PCSK6: variants seen among roughly 807,000 people sequenced by gnomAD.
PCSK6 encodes the protein proprotein convertase subtilisin/kexin type 6.
In PCSK6, 85 loss-of-function variants were observed where a neutral mutation model predicts 123.3. The ratio of observed to expected loss-of-function variants is 0.69; its 90% CI spans 0.58 to 0.83. PCSK6 has a LOEUF of 0.83. Among genes scored for constraint, PCSK6 ranks in the 40% least tolerant of loss-of-function variants. The pLI is 0.00. For synonymous variants in PCSK6, 508 were observed against 516.0 expected (o/e 0.98, Z 0.21); for missense variants, 1,191 against 1,282.3 (o/e 0.93, Z 1.09).
intron 6 of PCSK6, 88 bp downstream of exon 6, chr15:101,427,804 A>G: frequency 9.5e-7 from 1 of 1,054,690 alleles, no homozygotes; most frequent in Non-Finnish European, 1.4e-6. Flanking sequence ...GCCAAAAAAC[A>G]GGAGGCTGCT....
intron 6 of PCSK6, among the ~76,000 whole-genome samples, chr15:101,411,069 A>C (rs1407321736): frequency 6.6e-6 from 1 of 152,112 alleles, no homozygotes; most frequent in Non-Finnish European, 1.5e-5. Context: ...GAACGAACAA[A>C]TCTGAACCAG....
intron 15 of PCSK6, among the ~76,000 whole-genome samples, chr15:101,327,370 C>A (rs546138512): frequency 3.3e-5 from 5 of 152,334 alleles, no homozygotes; most frequent in African/African-American, 1.2e-4. Flanking sequence ...GGGGGCGGGG[C>A]ACGCTGCAGG....
At chr15:101,474,921 C>G (rs2057693742) in intron 1 of PCSK6, among the ~76,000 whole-genome samples, 1 of 152,220 alleles carries the variant, frequency 6.6e-6, no homozygotes, top group Admixed American at 6.5e-5. Flanking sequence ...AGACTCTTTT[C>G]CAGTGGGTCA....
intron 20 of PCSK6, 164 bp downstream of exon 20, chr15:101,313,212 A>T (rs950533583): frequency 6.5e-7 from 1 of 1,535,412 alleles, no homozygotes; most frequent in Non-Finnish European, 8.8e-7. Flanking sequence ...CAGTGAACAA[A>T]GGGACGAAGG....
intron 6 of PCSK6, among the ~76,000 whole-genome samples, chr15:101,401,724 G>T (rs2042593984): frequency 6.6e-6 from 1 of 152,184 alleles, no homozygotes; most frequent in Non-Finnish European, 1.5e-5. Flanking sequence ...CGTGTAAAGG[G>T]TCTGGCACAC....
At chr15:101,340,661 G>A (rs1281868802) in intron 13 of PCSK6, among the ~76,000 whole-genome samples, 1 of 152,092 alleles carries the variant, frequency 6.6e-6, no homozygotes, top group Non-Finnish European at 1.5e-5. Flanking sequence ...CATATGCTAT[G>A]TCCTGGTTTC....
intron 1 of PCSK6, among the ~76,000 whole-genome samples, chr15:101,469,440 G>A (rs915550144): frequency 3.9e-5 from 6 of 152,222 alleles, no homozygotes; most frequent in African/African-American, 1.4e-4. Context: ...CTGGCTCCAA[G>A]ATGCCGACAT....
rs2040965644 is a variant in PCSK6 at position 101,353,859 on chromosome 15, C to T, written c.1858+12337G>A. On this transcript the variant is annotated intron_variant, in intron 13 of 21. Transcript: ENST00000611716. The stretch of plus-strand genomic sequence containing the variant: ...GCTCTGCCCCTTCCAGGCAGGTGAG[C>T]TCAGTCAGGCTCTGGGTGGAGGAGC... Among the ~76,000 whole-genome samples, 3 of 152,224 alleles carry T rather than the reference C, an allele frequency of 2.0e-5. No homozygotes were observed. In the South Asian group the frequency reaches 6.2e-4, roughly 31 times the overall value.
chr15:101,405,013 A>T (rs1005954197), intron 6 of PCSK6, among the ~76,000 whole-genome samples: 1 of 152,204 alleles, frequency 6.6e-6, no homozygotes, highest in African/African-American at 2.4e-5. Context: ...TCTTGGAAAA[A>T]GACTGACTGA....
At chr15:101,481,199 C>T (rs1204718612) in intron 1 of PCSK6, among the ~76,000 whole-genome samples, 1 of 152,178 alleles carries the variant, frequency 6.6e-6, no homozygotes, top group African/African-American at 2.4e-5. Context: ...AGGCAACGTC[C>T]AGGTGGCAGG....
At chr15:101,307,483 G>A in intron 20 of PCSK6, 158 bp from the exon 21 acceptor site, 2 of 607,176 alleles carry the variant, frequency 3.3e-6, no homozygotes, top group East Asian at 5.6e-5. Context: ...TGACACAGGG[G>A]CTGAGTGTCT....
In PCSK6 at chr15:101,418,123, A is replaced by T. The variant is rs182481015; in HGVS notation, c.823+9769T>A. On this transcript the variant is annotated intron_variant, in intron 6 of 21. Coordinates refer to ENST00000611716, the MANE Select transcript of PCSK6 (RefSeq NM_002570.5). ...TATATTTGAAAATCTTGAAAAATTG[A>T]TGATTTTCTAGGAAGATTTAATTAC... Among the ~76,000 whole-genome samples the T allele has an allele frequency of 3.3e-5, 5 of 152,326 alleles. No homozygotes were observed. The East Asian group carries it at 9.6e-4, about 29-fold the overall frequency.
At chr15:101,320,862 C>A (rs952863422) in intron 18 of PCSK6, among the ~76,000 whole-genome samples, 12 of 152,240 alleles carry the variant, frequency 7.9e-5, no homozygotes, top group African/African-American at 2.7e-4. Flanking sequence ...GTTTGCACGC[C>A]TCTCTGAAAG....
chr15:101,318,240 T>C, intron 19 of PCSK6, 79 bp downstream of exon 19: 2 of 1,053,176 alleles, frequency 1.9e-6, no homozygotes, highest in South Asian at 1.4e-5. Context: ...CACGAAGTCC[T>C]AGGGCTTTCT....
chr15:101,418,323 G>A lies in PCSK6; in HGVS notation c.823+9569C>T, dbSNP rs114779399. 4.0e-3 allele frequency among the ~76,000 whole-genome samples: 603 copies of A among 152,194 alleles called. 3 individuals are homozygous for A. Among genetic ancestry groups the A allele is most frequent in the African/African-American group, 0.013 (560 of 41,528 alleles). ...AAGAAAGTTTCCTAACTCTTTCTACGAGACTGGCCTGACTCTGATAAACAA... is the reference window on the plus strand; with the variant it reads ...AAGAAAGTTTCCTAACTCTTTCTACAAGACTGGCCTGACTCTGATAAACAA... On this transcript the variant is annotated intron_variant, in intron 6 of 21. Coordinates refer to ENST00000611716, the MANE Select transcript of PCSK6 (RefSeq NM_002570.5).
intron 5 of PCSK6, among the ~76,000 whole-genome samples, chr15:101,429,272 C>T (rs2056365703): frequency 6.6e-6 from 1 of 152,104 alleles, no homozygotes; most frequent in Non-Finnish European, 1.5e-5. Flanking sequence ...AGGACTGACC[C>T]CAGGGCTGCC....
intron 1 of PCSK6, among the ~76,000 whole-genome samples, chr15:101,472,470 T>A (rs189229085): frequency 3.9e-5 from 6 of 152,362 alleles, no homozygotes; most frequent in Admixed American, 3.3e-4. Flanking sequence ...ATCTAATTCA[T>A]GCAACCTGAC....
At chr15:101,434,171 G>A (rs1427597680) in intron 2 of PCSK6, among the ~76,000 whole-genome samples, 1 of 152,280 alleles carries the variant, frequency 6.6e-6, no homozygotes, top group East Asian at 1.9e-4. Flanking sequence ...CTAAGATGCC[G>A]CAAACAATAT....
At chr15:101,471,904 T>A (rs182316645) in intron 1 of PCSK6, among the ~76,000 whole-genome samples, 4 of 152,326 alleles carry the variant, frequency 2.6e-5, no homozygotes, top group Admixed American at 2.6e-4. Flanking sequence ...ATGAGACACA[T>A]GCACGTTGTT....
Sources: allele counts gnomAD v4.1 joint callset (sites outside exome capture counted in the v4.1 genomes callset), GRCh38; gene constraint gnomAD v4.1.1; transcripts MANE v1.5; gene names NCBI Gene and HGNC (gene_info 2026-07-23, HGNC 2026-07-21).